MCF2L2: variants seen among roughly 807,000 people sequenced by gnomAD.
MCF2L2 encodes probable guanine nucleotide exchange factor MCF2L2.
In MCF2L2, 102 loss-of-function variants were observed where a neutral mutation model predicts 150.2. The observed-to-expected ratio is 0.68, with a 90% CI of 0.58 to 0.80. MCF2L2 has a LOEUF of 0.80. Among genes scored for constraint, MCF2L2 ranks in the 30% least tolerant of loss-of-function variants. MCF2L2 has a pLI of 0.00. For missense variants in MCF2L2, 1,256 were observed against 1,372.8 expected (o/e 0.91, Z 1.34); for synonymous variants, 465 against 491.3 (o/e 0.95, Z 0.71).
chr3:183,417,697 T>C (rs1383074452), intron 1 of MCF2L2, among the ~76,000 whole-genome samples: 1 of 152,224 alleles, frequency 6.6e-6, no homozygotes, highest in Admixed American at 6.5e-5. Flanking sequence ...AAAGATACTA[T>C]GTTAGTCCGT....
intron 1 of MCF2L2, among the ~76,000 whole-genome samples, chr3:183,424,513 C>T (rs1716061122): frequency 6.6e-6 from 1 of 152,214 alleles, no homozygotes; most frequent in Non-Finnish European, 1.5e-5. Flanking sequence ...TATTCTGCAT[C>T]TCCTTAGAGT....
rs6788196 is a variant in MCF2L2, at chr3:183,205,853, G to A, written c.2884+23C>T. The A allele has an allele frequency of 4.6e-3, 7,265 of 1,586,654 alleles. 260 individuals are homozygous for A. In the African/African-American group the frequency reaches 0.083, roughly 18 times the overall value. On this transcript the variant is annotated intron_variant, in intron 25 of 29. Coordinates refer to ENST00000328913, the MANE Select transcript of MCF2L2 (RefSeq NM_015078.4). The stretch of plus-strand genomic sequence containing the variant: ...CTGAAATCAGTATAACTCGACAGAC[G>A]AAAGTCAGCAGGGGTAACCTACCTT...
At chr3:183,200,070 G>A in intron 25 of MCF2L2, among the ~76,000 whole-genome samples, 1 of 152,128 alleles carries the variant, frequency 6.6e-6, no homozygotes, top group Admixed American at 6.5e-5. Flanking sequence ...ATTGTGAATA[G>A]TGCTGCAATA....
intron 1 of MCF2L2, among the ~76,000 whole-genome samples, chr3:183,403,472 C>T (rs2108614229): frequency 6.6e-6 from 1 of 152,226 alleles, no homozygotes; most frequent in South Asian, 2.1e-4. Flanking sequence ...GGTTTTTAAA[C>T]AAAGAGCTTG....
At position 183,271,192 on chromosome 3, in the gene MCF2L2, A is replaced by G; in HGVS notation, c.1862+5680T>C. ...TGAAAACAAAACTAAAGGGAAGTTC[A>G]AGTTCTCATGTAATGCCACATATAT... is the stretch of plus-strand genomic sequence containing the variant. On this transcript the variant is annotated intron_variant, in intron 15 of 29. Coordinates refer to ENST00000328913, the MANE Select transcript of MCF2L2 (RefSeq NM_015078.4). 4 of 320,726 alleles carry G rather than the reference A, an allele frequency of 1.2e-5. No individual in the cohort carries two copies. In the South Asian group the frequency reaches 3.1e-4, roughly 25 times the overall value. The allele number at this position is 320,726 out of a possible 1,614,324, so 19.9% of individuals were successfully genotyped here.
intron 6 of MCF2L2, among the ~76,000 whole-genome samples, chr3:183,321,798 C>T (rs1294299259): frequency 6.6e-6 from 1 of 152,226 alleles, no homozygotes; most frequent in Non-Finnish European, 1.5e-5. Context: ...CAACCACAAA[C>T]CATGGCTACA....
At chr3:183,282,094 T>C (rs2108467967) in intron 14 of MCF2L2, among the ~76,000 whole-genome samples, 2 of 151,908 alleles carry the variant, frequency 1.3e-5, no homozygotes, top group Middle Eastern at 6.8e-3. Flanking sequence ...CCTAAGATCT[T>C]AAATTTCCCA....
chr3:183,196,816 G>T (rs9826328), intron 25 of MCF2L2, among the ~76,000 whole-genome samples: 1 of 152,014 alleles, frequency 6.6e-6, no homozygotes, highest in Non-Finnish European at 1.5e-5. Flanking sequence ...TCTAAACCAC[G>T]TGCTGGGTCC....
At chr3:183,190,847 T>TA (rs1375697518) in intron 27 of MCF2L2, among the ~76,000 whole-genome samples, 1 of 152,182 alleles carries the variant, frequency 6.6e-6, no homozygotes, top group African/African-American at 2.4e-5. Context: ...TGTAATACTG[T>TA]ATATGTGGTT....
At chr3:183,225,375 A>G (rs2108664843) in intron 18 of MCF2L2, 1 of 152,362 alleles carries the variant, frequency 6.6e-6, no homozygotes, top group Admixed American at 6.5e-5. Context: ...TTAACAATAT[A>G]GTATTGACCT....
At chr3:183,307,193 G>T (rs899926752) in intron 10 of MCF2L2, among the ~76,000 whole-genome samples, 1 of 152,196 alleles carries the variant, frequency 6.6e-6, no homozygotes, top group Non-Finnish European at 1.5e-5. Flanking sequence ...TGCTGGGAGG[G>T]AGCTGGCCCC....
chr3:183,244,528 T>C (rs779844961), intron 15 of MCF2L2, among the ~76,000 whole-genome samples: 1 of 152,192 alleles, frequency 6.6e-6, no homozygotes, highest in Non-Finnish European at 1.5e-5. Context: ...ATCCTATTAG[T>C]TCTGTACCTT....
chr3:183,393,365 G>A (rs1393380072), intron 1 of MCF2L2, among the ~76,000 whole-genome samples: 1 of 151,732 alleles, frequency 6.6e-6, no homozygotes, highest in Admixed American at 6.6e-5. Flanking sequence ...GGCTAATTTT[G>A]TATTTTCAGT....
chr3:183,382,144 C>T (rs142184095), intron 2 of MCF2L2, among the ~76,000 whole-genome samples: 277 of 152,148 alleles, frequency 1.8e-3, no homozygotes, highest in African/African-American at 6.5e-3. Flanking sequence ...CTGCAACCTC[C>T]GCCTCCCAGG....
intron 12 of MCF2L2, among the ~76,000 whole-genome samples, chr3:183,295,969 C>G (rs1728480390): frequency 6.6e-6 from 1 of 152,076 alleles, no homozygotes; most frequent in African/African-American, 2.4e-5. Context: ...AATAAACAAA[C>G]AAACAAACAA....
chr3:183,254,814 A>C (rs1375920072), intron 15 of MCF2L2: 3 of 152,186 alleles, frequency 2.0e-5, no homozygotes, highest in Admixed American at 6.5e-5. Flanking sequence ...AGGCGGGGAG[A>C]CTGCAGCCGC....
At chr3:183,229,923 A>G in intron 16 of MCF2L2, 142 bp from the exon 17 acceptor site, 1 of 438,158 alleles carries the variant, frequency 2.3e-6, no homozygotes. Flanking sequence ...CGTATTGAGT[A>G]CTTTCTTTTG....
At chr3:183,206,903 CAGA>C (rs1307836008) in intron 23 of MCF2L2, among the ~76,000 whole-genome samples, 1 of 110,872 alleles carries the variant, frequency 9.0e-6, no homozygotes, top group African/African-American at 3.6e-5. Flanking sequence ...GAAAGAAAGA[CAGA>C]AAGAAAGAAA....
intron 2 of MCF2L2, among the ~76,000 whole-genome samples, chr3:183,380,969 T>C (rs182948551): frequency 1.2e-4 from 19 of 152,308 alleles, no homozygotes; most frequent in South Asian, 2.1e-4. Context: ...TGTTAGGACA[T>C]AGATACATAT....
Sources: gnomAD v4.1 joint callset for allele counts (sites outside exome capture counted in the v4.1 genomes callset) on GRCh38, gnomAD v4.1.1 for gene constraint, MANE v1.5 for transcripts, NCBI Gene and HGNC (gene_info 2026-07-23, HGNC 2026-07-21) for gene names.